The following LRATD1 variants were observed in gnomAD, a reference collection of about 807,000 sequenced individuals.
LRATD1 encodes protein LRATD1.
Under a neutral mutation model 21.3 loss-of-function variants are expected in LRATD1, and 8 were observed. That is an observed-to-expected ratio of 0.38 (90% CI 0.22 to 0.68). The LOEUF is 0.68. LRATD1 is among the 30% of genes least tolerant of loss of function. The pLI is 0.54. For missense variants in LRATD1, 380 were observed against 404.0 expected (o/e 0.94, Z 0.51); for synonymous variants, 210 against 186.2 (o/e 1.13, Z -1.04).
In LRATD1 at chr2:14,635,037, C is replaced by T. The variant is rs1208256163; in HGVS notation, c.*179C>T. 4 of 926,830 alleles carry T rather than the reference C, an allele frequency of 4.3e-6. No homozygotes were observed. The South Asian group carries it at 5.9e-5, about 14-fold the overall frequency. 57.4% of individuals were successfully genotyped at this position (926,830 alleles called of 1,614,324 possible). A position where few individuals can be genotyped will look rare whatever the true frequency, so the allele number is the denominator to read the frequency against. On this transcript the variant is annotated 3_prime_UTR_variant, in exon 2 of 2. Transcript: ENST00000295092. ...TCCCCAAGCCAGCGGCAGGAAGTCT[C>T]AGGAACTGCCCCAGGGCCGAAAGGG...
downstream of LRATD1, among the ~76,000 whole-genome samples, chr2:14,640,224 G>T (rs1384217877): frequency 1.3e-5 from 2 of 152,020 alleles, no homozygotes; most frequent in Non-Finnish European, 1.5e-5. Flanking sequence ...AATTTTCTTT[G>T]GTATATGGGA....
downstream of LRATD1, among the ~76,000 whole-genome samples, chr2:14,641,246 T>C (rs1480110567): frequency 6.6e-6 from 1 of 152,000 alleles, no homozygotes; most frequent in Non-Finnish European, 1.5e-5. Context: ...AAGGCCAGAG[T>C]CAAATTCAGT....
intron 3 of LRATD1, chr2:14,646,354 G>T (rs1486169705): frequency 6.6e-6 from 1 of 152,106 alleles, no homozygotes; most frequent in Non-Finnish European, 1.5e-5. Flanking sequence ...TGTCAAAATG[G>T]AATCAAGCCT....
downstream of LRATD1, among the ~76,000 whole-genome samples, chr2:14,644,093 A>T (rs941296748): frequency 7.4e-6 from 1 of 135,946 alleles, no homozygotes; most frequent in Non-Finnish European, 1.5e-5. Flanking sequence ...TCCCTAATAA[A>T]GGCAAGCATT....
downstream of LRATD1, among the ~76,000 whole-genome samples, chr2:14,640,719 T>A (rs1671793427): frequency 6.6e-6 from 1 of 152,210 alleles, no homozygotes; most frequent in Non-Finnish European, 1.5e-5. Flanking sequence ...AGCTCTTTGC[T>A]CACTTCCAAG....
downstream of LRATD1, among the ~76,000 whole-genome samples, chr2:14,640,738 A>G (rs1671793593): frequency 6.6e-6 from 1 of 152,160 alleles, no homozygotes; most frequent in Non-Finnish European, 1.5e-5. Context: ...AGTCCACTGT[A>G]GATTTCAGAT....
In LRATD1 at chr2:14,637,783, C is replaced by T. The variant is rs1004910440; in HGVS notation, c.*2925C>T. The T allele has an allele frequency of 7.8e-5, 13 of 166,980 alleles. No homozygotes were observed. The highest frequency in any genetic ancestry group is 5.8e-4 in the East Asian group (3 of 5,188). 10.3% of individuals were successfully genotyped at this position (166,980 alleles called of 1,614,324 possible). On this transcript the variant is annotated 3_prime_UTR_variant, in exon 2 of 2. Transcript: ENST00000295092. ...TGGTGCAAGTTCCCTTTGCAGATGGCGTGGGCACACTTGATTTTTATTATG... is the reference window on the plus strand; with the variant it reads ...TGGTGCAAGTTCCCTTTGCAGATGGTGTGGGCACACTTGATTTTTATTATG...
intron 4 of LRATD1, chr2:14,649,200 G>A (rs990922792): frequency 6.7e-6 from 3 of 445,092 alleles, no homozygotes; most frequent in Non-Finnish European, 9.0e-6. Context: ...TAGGGGTTGG[G>A]GGAGGGGGGA....
intron 2 of LRATD1, among the ~76,000 whole-genome samples, chr2:14,645,360 T>C (rs1671874659): frequency 6.6e-6 from 1 of 152,192 alleles, no homozygotes; most frequent in Non-Finnish European, 1.5e-5. Context: ...AATATCCAGG[T>C]ATATAACCAT....
At position 14,634,156 on chromosome 2, in the gene LRATD1, G is replaced by C. The variant is rs1351722882; in HGVS notation, c.177G>C (p.Pro59=). ...QPDKFGVKAP[P]GCTPCPESPS... ...ACAAGTTTGGCGTGAAGGCCCCCCC[G>C]GGTTGCACCCCCTGCCCGGAGAGCC... is the stretch of plus-strand genomic sequence containing the variant. The change falls in exon 2 of 2, where the codon CCG becomes CCC. Residue 59 remains proline (P), a synonymous_variant. Transcript: ENST00000295092. 1.2e-6 allele frequency: 2 copies of C among 1,613,734 alleles called. No homozygotes were observed. Among genetic ancestry groups the C allele is most frequent in the Non-Finnish European group, 1.7e-6 (2 of 1,180,004 alleles).
rs1325763674 is a variant in LRATD1, at chr2:14,635,126, C to T, written c.*268C>T. Reference sequence around the variant, plus strand: ...TGACGGTGCTGGGAGACCCCGCGTGCGCTTTCCCCTTGAGATGTAAACCGG... The same window carrying T: ...TGACGGTGCTGGGAGACCCCGCGTGTGCTTTCCCCTTGAGATGTAAACCGG... On this transcript the variant is annotated 3_prime_UTR_variant, in exon 2 of 2. Coordinates refer to ENST00000295092, the MANE Select transcript of LRATD1 (RefSeq NM_145175.4). The T allele has an allele frequency of 2.9e-6, 2 of 699,234 alleles. No homozygotes were observed. Among genetic ancestry groups the T allele is most frequent in the African/African-American group, 1.8e-5 (1 of 56,756 alleles). The allele number at this position is 699,234 out of a possible 1,614,324, so 43.3% of individuals were successfully genotyped here.
downstream of LRATD1, among the ~76,000 whole-genome samples, chr2:14,643,234 T>G (rs1437664202): frequency 2.6e-5 from 4 of 152,176 alleles, no homozygotes; most frequent in Non-Finnish European, 4.4e-5. Flanking sequence ...TTGTGTATAA[T>G]TTTATAAGAC....
intron 4 of LRATD1, chr2:14,649,230 G>A (rs1394618065): frequency 1.1e-5 from 5 of 454,612 alleles, no homozygotes; most frequent in Non-Finnish European, 2.2e-5. Flanking sequence ...GATGGTGGAG[G>A]AAGGCTAGTA....
chr2:14,651,429 G>C (rs1481904987), downstream of LRATD1, among the ~76,000 whole-genome samples: 1 of 152,110 alleles, frequency 6.6e-6, no homozygotes, highest in Non-Finnish European at 1.5e-5. Flanking sequence ...TAGGTCATCA[G>C]ACATACATAC....
chr2:14,646,821 A>G (rs1435333435), intron 4 of LRATD1, among the ~76,000 whole-genome samples: 1 of 152,220 alleles, frequency 6.6e-6, no homozygotes, highest in African/African-American at 2.4e-5. Flanking sequence ...GAGATGCTGC[A>G]GTAAAACAAG....
chr2:14,634,878 C>A lies in LRATD1; in HGVS notation c.*20C>A. The stretch of plus-strand genomic sequence containing the variant: ...GAGTAGCCGCCTAGGGGCTGCCGGC[C>A]CCTCTGCCTCCCCCGCACCTCGCTC... On this transcript the variant is annotated 3_prime_UTR_variant, in exon 2 of 2. Transcript: ENST00000295092. 6.3e-7 allele frequency: 1 copy of A among 1,598,430 alleles called. No individual in the cohort carries two copies. Among genetic ancestry groups the A allele is most frequent in the South Asian group, 1.1e-5 (1 of 89,850 alleles).
rs1481449882 is a variant in LRATD1 at position 14,635,497 on chromosome 2, C to T, written c.*639C>T. The T allele has an allele frequency of 2.1e-6, 1 of 471,140 alleles. No homozygotes were observed. The highest frequency in any genetic ancestry group is 6.9e-5 in the East Asian group (1 of 14,400). The allele number at this position is 471,140 out of a possible 1,614,324, so 29.2% of individuals were successfully genotyped here. A position where few individuals can be genotyped will look rare whatever the true frequency, so the allele number is the denominator to read the frequency against. The stretch of plus-strand genomic sequence containing the variant: ...AGGTCTCCTGACATTGTGTTCCAGG[C>T]TGCGGGCTAAGCCAGACAGTGTTTG... On this transcript the variant is annotated 3_prime_UTR_variant, in exon 2 of 2. Coordinates refer to ENST00000295092, the MANE Select transcript of LRATD1 (RefSeq NM_145175.4).
Position 14,636,846 on chromosome 2 carries a change from T to A in LRATD1, c.*1988T>A, listed in dbSNP as rs1671698175. Reference sequence around the variant, plus strand: ...TCATGGTAAATGATTCACTTCTATATTTTTCTTTCTTTTTCTTTTTTTTTC... The same window carrying A: ...TCATGGTAAATGATTCACTTCTATAATTTTCTTTCTTTTTCTTTTTTTTTC... On this transcript the variant is annotated 3_prime_UTR_variant, in exon 2 of 2. Transcript: ENST00000295092. The A allele has an allele frequency of 6.0e-6, 1 of 167,128 alleles. No homozygotes were observed. 10.4% of individuals were successfully genotyped at this position (167,128 alleles called of 1,614,324 possible). A position where few individuals can be genotyped will look rare whatever the true frequency, so the allele number is the denominator to read the frequency against.
chr2:14,648,070 G>A (rs1671925392), intron 4 of LRATD1, among the ~76,000 whole-genome samples: 1 of 152,102 alleles, frequency 6.6e-6, no homozygotes, highest in Non-Finnish European at 1.5e-5. Context: ...TATCTCTGTT[G>A]TATATTGGAG....
Sources: gnomAD v4.1 joint callset for allele counts (sites outside exome capture counted in the v4.1 genomes callset) on GRCh38, gnomAD v4.1.1 for gene constraint, MANE v1.5 for transcripts, NCBI Gene and HGNC (gene_info 2026-07-23, HGNC 2026-07-21) for gene names.